MARCHF8: variants seen among roughly 807,000 people sequenced by gnomAD.
The protein encoded by MARCHF8 is membrane associated ring-CH-type finger 8.
Under a neutral mutation model 51.6 loss-of-function variants are expected in MARCHF8, and 40 were observed. The observed-to-expected ratio is 0.77, with a 90% CI of 0.60 to 1.01. The LOEUF is 1.01. MARCHF8 is among the 50% of genes least tolerant of loss of function. The pLI is 0.00. For synonymous variants in MARCHF8, 263 were observed against 280.3 expected (o/e 0.94, Z 0.62); for missense variants, 685 against 708.6 (o/e 0.97, Z 0.38).
At chr10:45,460,235 G>A (rs1842745139) in intron 6 of MARCHF8, among the ~76,000 whole-genome samples, 2 of 152,146 alleles carry the variant, frequency 1.3e-5, no homozygotes, top group East Asian at 1.9e-4. Flanking sequence ...TTCCTACAAC[G>A]CACGTAGCTT....
intron 6 of MARCHF8, chr10:45,459,625 T>C (rs1842724074): frequency 1.3e-6 from 1 of 788,976 alleles, no homozygotes; most frequent in African/African-American, 1.9e-5. Context: ...ACGTTTTAAG[T>C]CTCCCTGATG....
At chr10:45,485,473 T>C (rs891787974) in intron 3 of MARCHF8, among the ~76,000 whole-genome samples, 2 of 152,170 alleles carry the variant, frequency 1.3e-5, no homozygotes, top group Non-Finnish European at 2.9e-5. Context: ...AATATGCTTC[T>C]TCTATTAACT....
intron 2 of MARCHF8, among the ~76,000 whole-genome samples, chr10:45,526,136 A>G (rs1480755142): frequency 6.6e-6 from 1 of 152,214 alleles, no homozygotes; most frequent in African/African-American, 2.4e-5. Context: ...GGCTAACTAG[A>G]TGCAGCTAGT....
At chr10:45,508,507 G>A (rs2043430949) in intron 2 of MARCHF8, among the ~76,000 whole-genome samples, 1 of 152,102 alleles carries the variant, frequency 6.6e-6, no homozygotes, top group Non-Finnish European at 1.5e-5. Context: ...TCACTCTTAT[G>A]TTTTAAAATG....
chr10:45,581,884 A>C (rs2044559631), intron 1 of MARCHF8, among the ~76,000 whole-genome samples: 1 of 151,912 alleles, frequency 6.6e-6, no homozygotes, highest in East Asian at 1.9e-4. Context: ...CAAGAACTAC[A>C]CAAGACTTAA....
chr10:45,565,070 C>A (rs150942284), intron 1 of MARCHF8, among the ~76,000 whole-genome samples: 82 of 150,454 alleles, frequency 5.5e-4, no homozygotes, highest in African/African-American at 1.9e-3. Context: ...CTCTTAATTT[C>A]TTTAGAAGAC....
At chr10:45,490,672 A>C (rs2043064969) in intron 2 of MARCHF8, among the ~76,000 whole-genome samples, 1 of 152,224 alleles carries the variant, frequency 6.6e-6, no homozygotes, top group Admixed American at 6.5e-5. Context: ...TTTAAAAATA[A>C]AGTCATTTTC....
At chr10:45,581,892 TAAAGGAG>T (rs937253105) in intron 1 of MARCHF8, among the ~76,000 whole-genome samples, 4 of 144,148 alleles carry the variant, frequency 2.8e-5, no homozygotes, top group African/African-American at 1.0e-4. Flanking sequence ...ACACAAGACT[TAAAGGAG>T]TAACATTTTC....
chr10:45,588,008 C>G (rs962148158), intron 1 of MARCHF8, among the ~76,000 whole-genome samples: 1 of 152,010 alleles, frequency 6.6e-6, no homozygotes, highest in African/African-American at 2.4e-5. Context: ...TAGCTCATAC[C>G]AAACACCCTA....
At chr10:45,593,987 G>A (rs957971600) in intron 1 of MARCHF8, among the ~76,000 whole-genome samples, 11 of 152,184 alleles carry the variant, frequency 7.2e-5, no homozygotes, top group African/African-American at 2.4e-4. Context: ...AATAGTGATA[G>A]TGAGGCAGAA....
chr10:45,525,073 A>C (rs1022663401), intron 2 of MARCHF8, among the ~76,000 whole-genome samples: 1 of 152,244 alleles, frequency 6.6e-6, no homozygotes, highest in African/African-American at 2.4e-5. Flanking sequence ...AAGTAGTAAA[A>C]GTGTGGTGAT....
chr10:45,522,097 T>C (rs561710380), intron 2 of MARCHF8, among the ~76,000 whole-genome samples: 2 of 152,352 alleles, frequency 1.3e-5, no homozygotes, highest in African/African-American at 2.4e-5. Flanking sequence ...TTTCTGTTTT[T>C]AATGATAAAC....
At chr10:45,504,237 G>A (rs1387823654) in intron 2 of MARCHF8, among the ~76,000 whole-genome samples, 1 of 152,190 alleles carries the variant, frequency 6.6e-6, no homozygotes, top group East Asian at 1.9e-4. Context: ...CCTGAGGCTG[G>A]GAGTTCAAGA....
chr10:45,587,184 T>A (rs2044627958), intron 1 of MARCHF8, among the ~76,000 whole-genome samples: 1 of 152,070 alleles, frequency 6.6e-6, no homozygotes, highest in Non-Finnish European at 1.5e-5. Context: ...TCAATGACTG[T>A]ATGTGGAGAA....
intron 3 of MARCHF8, among the ~76,000 whole-genome samples, chr10:45,471,206 T>C (rs556911402): frequency 7.9e-5 from 12 of 152,216 alleles, no homozygotes; most frequent in Non-Finnish European, 1.6e-4. Flanking sequence ...ATGGAATTCT[T>C]TTCTACAGTG....
At chr10:45,476,029 G>T (rs1358094086) in intron 3 of MARCHF8, among the ~76,000 whole-genome samples, 1 of 152,158 alleles carries the variant, frequency 6.6e-6, no homozygotes, top group African/African-American at 2.4e-5. Context: ...AAGCTAAAGT[G>T]CCCTGCACAA....
intron 1 of MARCHF8, among the ~76,000 whole-genome samples, chr10:45,589,811 C>T (rs919375695): frequency 6.6e-6 from 1 of 152,188 alleles, no homozygotes; most frequent in African/African-American, 2.4e-5. Flanking sequence ...AACCATTCAT[C>T]AGTTGATATA....
chr10:45,471,661 G>A (rs2042693068), intron 3 of MARCHF8, among the ~76,000 whole-genome samples: 1 of 152,224 alleles, frequency 6.6e-6, no homozygotes, highest in African/African-American at 2.4e-5. Context: ...CAAAGCACTG[G>A]CTTTTGACCC....
intron 4 of MARCHF8, 40 bp downstream of exon 4, chr10:45,464,199 C>A: frequency 6.3e-7 from 1 of 1,598,628 alleles, no homozygotes; most frequent in Non-Finnish European, 8.6e-7. Context: ...TTATTTCTGG[C>A]TGCACACTGA....
Sources: gnomAD v4.1 joint callset for allele counts (sites outside exome capture counted in the v4.1 genomes callset) on GRCh38, gnomAD v4.1.1 for gene constraint, MANE v1.5 for transcripts, NCBI Gene and HGNC (gene_info 2026-07-23, HGNC 2026-07-21) for gene names.